Variants in FBXO21 observed in about 807,000 individuals in gnomAD.
FBXO21 encodes F-box protein 21.
Under a neutral mutation model 76.6 loss-of-function variants are expected in FBXO21, and 32 were observed. The ratio of observed to expected loss-of-function variants is 0.42; its 90% CI spans 0.32 to 0.56. FBXO21 has a LOEUF of 0.56. Among genes scored for constraint, FBXO21 ranks in the 20% least tolerant of loss-of-function variants. FBXO21 has a pLI of 0.16. For synonymous variants in FBXO21, 328 were observed against 311.5 expected (o/e 1.05, Z -0.56); for missense variants, 586 against 797.3 (o/e 0.73, Z 3.19).
At chr12:117,187,337 T>C (rs1365826541) in intron 2 of FBXO21, among the ~76,000 whole-genome samples, 1 of 148,724 alleles carries the variant, frequency 6.7e-6, no homozygotes, top group Non-Finnish European at 1.5e-5. Context: ...GGAGAATCAC[T>C]TGAACCTGGG....
At chr12:117,147,879 G>T (rs186034483) in intron 11 of FBXO21, among the ~76,000 whole-genome samples, 1 of 152,186 alleles carries the variant, frequency 6.6e-6, no homozygotes, top group Non-Finnish European at 1.5e-5. Flanking sequence ...CCCCAGTTCC[G>T]ATCACTCTGA....
chr12:117,152,273 C>G (rs1955851808), intron 11 of FBXO21, among the ~76,000 whole-genome samples: 1 of 152,136 alleles, frequency 6.6e-6, no homozygotes, highest in African/African-American at 2.4e-5. Context: ...TCGAGACCAG[C>G]CTGGGCTACA....
chr12:117,160,882 C>T (rs1160758165), intron 9 of FBXO21, among the ~76,000 whole-genome samples: 2 of 152,232 alleles, frequency 1.3e-5, no homozygotes, highest in East Asian at 3.8e-4. Flanking sequence ...GATCCACCTG[C>T]CTCTGCCACC....
At chr12:117,147,290 G>GAAAAAAAAAAAAAAGA (rs1955784012) in intron 11 of FBXO21, among the ~76,000 whole-genome samples, 1 of 85,076 alleles carries the variant, frequency 1.2e-5, no homozygotes, top group Non-Finnish European at 2.3e-5. Context: ...TGAAAAAATG[G>GAAAAAAAAAAAAAAGA]AAAAAAAAAA....
At chr12:117,187,956 T>C (rs1956300280) in intron 2 of FBXO21, among the ~76,000 whole-genome samples, 2 of 152,270 alleles carry the variant, frequency 1.3e-5, no homozygotes, top group South Asian at 4.1e-4. Flanking sequence ...CACTAAGGAA[T>C]GTCTATTTGT....
At chr12:117,185,520 C>T (rs1431970156) in intron 3 of FBXO21, among the ~76,000 whole-genome samples, 1 of 152,150 alleles carries the variant, frequency 6.6e-6, no homozygotes, top group African/African-American at 2.4e-5. Flanking sequence ...GCTGGAAGCC[C>T]ACTCATCTTT....
At chr12:117,148,121 T>C (rs1955799482) in intron 11 of FBXO21, among the ~76,000 whole-genome samples, 1 of 151,876 alleles carries the variant, frequency 6.6e-6, no homozygotes. Context: ...CTGGTAGTCT[T>C]TGGGGAGAGG....
chr12:117,173,115 A>G (rs976409223), intron 6 of FBXO21, among the ~76,000 whole-genome samples: 4 of 151,902 alleles, frequency 2.6e-5, no homozygotes, highest in Non-Finnish European at 5.9e-5. Context: ...GCTCACTGCA[A>G]CCTTTCGGGT....
chr12:117,155,508 A>T, intron 11 of FBXO21: 1 of 464,838 alleles, frequency 2.2e-6, no homozygotes, highest in Non-Finnish European at 4.0e-6. Flanking sequence ...GGCAGGACTT[A>T]CAGGAATTTG....
chr12:117,169,329 C>T (rs11068386), intron 7 of FBXO21, among the ~76,000 whole-genome samples: 30,270 of 151,868 alleles, frequency 0.2, 3,414 homozygotes, highest in East Asian at 0.43. Flanking sequence ...AGAGGGTGGG[C>T]GGTGGGAGAC....
intron 11 of FBXO21, chr12:117,155,426 A>C: frequency 4.5e-6 from 1 of 219,838 alleles, no homozygotes; most frequent in Non-Finnish European, 9.3e-6. Context: ...GAGGCCAGGG[A>C]GCACTAGGGG....
In FBXO21 at chr12:117,145,283, T is replaced by G. The variant is rs1955756973; in HGVS notation, c.*804A>C. ...TTAAATTAAAAAATAAAAGTAGTCA[T>G]TTAAAATGGAGGAATTGTAGATGAG... On this transcript the variant is annotated 3_prime_UTR_variant, in exon 12 of 12. Coordinates refer to ENST00000622495, the MANE Select transcript of FBXO21 (RefSeq NM_015002.3). The G allele has an allele frequency of 6.6e-6, 1 of 152,094 alleles. No homozygotes were observed. The highest frequency in any genetic ancestry group is 6.6e-5 in the Admixed American group (1 of 15,262). 9.4% of individuals were successfully genotyped at this position (152,094 alleles called of 1,614,324 possible). A position where few individuals can be genotyped will look rare whatever the true frequency, so the allele number is the denominator to read the frequency against.
At chr12:117,155,748 C>T (rs1290675290) in intron 11 of FBXO21, 43 bp downstream of exon 11, 1 of 1,579,902 alleles carries the variant, frequency 6.3e-7, no homozygotes. Context: ...GCGCTGAAAA[C>T]ACGCCCGCGG....
chr12:117,160,340 T>C (rs1378791903), intron 9 of FBXO21, among the ~76,000 whole-genome samples: 1 of 152,198 alleles, frequency 6.6e-6, no homozygotes, highest in Non-Finnish European at 1.5e-5. Flanking sequence ...AGGTTCTCTC[T>C]GAAGTTCTTG....
intron 11 of FBXO21, 88 bp from the exon 12 acceptor site, chr12:117,146,365 CAG>C: frequency 3.4e-6 from 4 of 1,193,856 alleles, no homozygotes; most frequent in Non-Finnish European, 3.6e-6. Context: ...TCACCCCTTC[CAG>C]GTGGCATTTT....
chr12:117,152,148 A>C (rs1251094637), intron 11 of FBXO21, among the ~76,000 whole-genome samples: 1 of 152,206 alleles, frequency 6.6e-6, no homozygotes, highest in Admixed American at 6.5e-5. Flanking sequence ...GGAACCAATG[A>C]GGCAAATCCA....
chr12:117,170,032 C>T lies in FBXO21; in HGVS notation c.1013+2439G>A, dbSNP rs117331486. On this transcript the variant is annotated intron_variant, in intron 7 of 11. Transcript: ENST00000622495. ...GGAATGGACAAATTATTAGCACTAA[C>T]GATTTATTCAGCCAAGGCACTGAAG... is the stretch of plus-strand genomic sequence containing the variant. Among the ~76,000 whole-genome samples, 65 of 150,312 alleles carry T rather than the reference C, an allele frequency of 4.3e-4. 1 individual carries two copies. The East Asian group carries it at 0.012, about 27-fold the overall frequency.
intron 9 of FBXO21, 62 bp from the exon 10 acceptor site, chr12:117,158,125 G>A (rs2279765): frequency 0.22 from 352,083 of 1,597,022 alleles, 41,939 homozygotes; most frequent in East Asian, 0.4. Flanking sequence ...TCTTTTTTGC[G>A]GCGAGGGATT....
chr12:117,187,056 C>T (rs763755145), intron 2 of FBXO21, among the ~76,000 whole-genome samples: 16 of 151,536 alleles, frequency 1.1e-4, no homozygotes, highest in Non-Finnish European at 1.8e-4. Flanking sequence ...GCGGAGGTTA[C>T]AGTGAGCCAA....
Sources: allele counts gnomAD v4.1 joint callset (sites outside exome capture counted in the v4.1 genomes callset), GRCh38; gene constraint gnomAD v4.1.1; transcripts MANE v1.5; gene names NCBI Gene and HGNC (gene_info 2026-07-23, HGNC 2026-07-21).